LDHB: variants seen among roughly 807,000 people sequenced by gnomAD.
The protein encoded by LDHB is lactate dehydrogenase B.
Under a neutral mutation model 33.4 loss-of-function variants are expected in LDHB, and 18 were observed. The observed-to-expected ratio is 0.54, with a 90% CI of 0.37 to 0.80. The LOEUF (loss-of-function observed/expected upper bound fraction) is 0.80, where lower values mean the gene tolerates loss of function less well. LDHB is among the 30% of genes least tolerant of loss of function. LDHB has a pLI of 0.00. For missense variants in LDHB, 345 were observed against 407.9 expected, an observed-to-expected ratio of 0.85 and a Z score of 1.33; for synonymous variants, 121 against 140.6, an observed-to-expected ratio of 0.86 and a Z score of 0.98.
At chr12:21,653,732 T>C (rs1474449265) in intron 2 of LDHB, among the ~76,000 whole-genome samples, 1 of 152,178 alleles carries the variant, frequency 6.6e-6, no homozygotes, top group Admixed American at 6.5e-5. Context: ...AGGTGAATTA[T>C]TTATGAAAGT....
intron 5 of LDHB, among the ~76,000 whole-genome samples, chr12:21,640,609 T>C (rs1406223076): frequency 6.6e-6 from 1 of 152,046 alleles, no homozygotes; most frequent in Admixed American, 6.6e-5. Flanking sequence ...CTTCAGCAAA[T>C]ACAATGGATG....
chr12:21,641,374 A>T (rs1430635411), intron 5 of LDHB, among the ~76,000 whole-genome samples: 2 of 152,182 alleles, frequency 1.3e-5, no homozygotes, highest in African/African-American at 4.8e-5. Context: ...ATAAAGAAAC[A>T]ATCAGACAAG....
At position 21,642,218 on chromosome 12, in the gene LDHB, C is replaced by G. The variant is rs1482561197; in HGVS notation, c.422-93G>C. The G allele has an allele frequency of 6.2e-6, 5 of 807,202 alleles. No homozygotes were observed. In the African/African-American group the frequency reaches 6.8e-5, roughly 11 times the overall value. 50.0% of individuals were successfully genotyped at this position (807,202 alleles called of 1,614,324 possible). A position where few individuals can be genotyped will look rare whatever the true frequency, so the allele number is the denominator to read the frequency against. On this transcript the variant is annotated intron_variant, in intron 4 of 7. Coordinates refer to ENST00000350669, the MANE Select transcript of LDHB (RefSeq NM_002300.8). Reference sequence around the variant, plus strand: ...TGCCCTGGCTTCCCTTTTCCCACTTCCCCACTCCCCAAATGAGATGTGGCC... The same window carrying G: ...TGCCCTGGCTTCCCTTTTCCCACTTGCCCACTCCCCAAATGAGATGTGGCC...
At chr12:21,655,635 CT>C (rs1938822369) in intron 1 of LDHB, among the ~76,000 whole-genome samples, 1 of 152,176 alleles carries the variant, frequency 6.6e-6, no homozygotes, top group African/African-American at 2.4e-5. Flanking sequence ...TAGATAGACA[CT>C]TAATACATTG....
At chr12:21,645,171 G>A (rs1000259015) in intron 3 of LDHB, among the ~76,000 whole-genome samples, 2 of 152,142 alleles carry the variant, frequency 1.3e-5, no homozygotes, top group African/African-American at 2.4e-5. Context: ...AATGCTTGAA[G>A]GCACATGCTT....
At chr12:21,642,525 A>G (rs1263398552) in intron 4 of LDHB, among the ~76,000 whole-genome samples, 1 of 152,172 alleles carries the variant, frequency 6.6e-6, no homozygotes, top group Non-Finnish European at 1.5e-5. Context: ...ATAAACCAAG[A>G]AGCCTTTGAT....
chr12:21,656,249 C>T (rs1161064035), intron 1 of LDHB, among the ~76,000 whole-genome samples: 3 of 152,138 alleles, frequency 2.0e-5, no homozygotes. Context: ...ATATTTCCTC[C>T]CATCTGTAAG....
intron 1 of LDHB, among the ~76,000 whole-genome samples, chr12:21,654,931 G>C (rs746476704): frequency 2.6e-5 from 4 of 151,840 alleles, no homozygotes; most frequent in Admixed American, 2.0e-4. Context: ...GACCATCCTG[G>C]CCAACATGGT....
intron 4 of LDHB, among the ~76,000 whole-genome samples, 191 bp from the exon 5 acceptor site, chr12:21,642,316 T>C (rs914492276): frequency 6.6e-6 from 1 of 152,150 alleles, no homozygotes; most frequent in Non-Finnish European, 1.5e-5. Context: ...AAAACAAACT[T>C]TTAAGCCTTA....
intron 3 of LDHB, among the ~76,000 whole-genome samples, chr12:21,645,800 G>A (rs1938509363): frequency 2.0e-5 from 3 of 151,960 alleles, no homozygotes; most frequent in South Asian, 2.1e-4. Context: ...TGGGTCCTCC[G>A]TATGCTGAGT....
chr12:21,654,289 T>C (rs1029373429), intron 2 of LDHB: 46 of 491,678 alleles, frequency 9.4e-5, no homozygotes, highest in Non-Finnish European at 1.0e-4. Context: ...TAATAGTGTA[T>C]ACTGGATGAT....
intron 3 of LDHB, among the ~76,000 whole-genome samples, chr12:21,645,502 G>A (rs573092837): frequency 2.2e-4 from 33 of 152,250 alleles, no homozygotes; most frequent in Admixed American, 1.1e-3. Context: ...TGTAAAACCC[G>A]ATTGTATATT....
intron 1 of LDHB, chr12:21,657,478 T>A (rs756865071): frequency 3.3e-5 from 5 of 152,294 alleles, no homozygotes; most frequent in African/African-American, 1.2e-4. Flanking sequence ...CAAGGACAAG[T>A]AGGGCCTGGT....
chr12:21,637,070 C>T lies in LDHB; in HGVS notation c.837+1G>A. ...TTACATTTTGTGGTAGTTTGTCTTACCTTTACCATTGTTGACACGGGATGA... is the reference window on the plus strand; with the variant it reads ...TTACATTTTGTGGTAGTTTGTCTTATCTTTACCATTGTTGACACGGGATGA... On this transcript the variant is annotated splice_donor_variant, in intron 7 of 7. Coordinates refer to ENST00000350669, the MANE Select transcript of LDHB (RefSeq NM_002300.8). LOFTEE classifies it high-confidence loss of function. 1 of 1,602,898 alleles carries T rather than the reference C, an allele frequency of 6.2e-7. No homozygotes were observed. Among genetic ancestry groups the T allele is most frequent in the Non-Finnish European group, 8.5e-7 (1 of 1,171,676 alleles).
At chr12:21,642,178 T>G in intron 4 of LDHB, 53 bp from the exon 5 acceptor site, 1 of 1,372,548 alleles carries the variant, frequency 7.3e-7, no homozygotes, top group Non-Finnish European at 1.0e-6. Context: ...ACTTCAACTG[T>G]TAGGCAGCTT....
chr12:21,638,201 C>G (rs1938269533), intron 6 of LDHB, 152 bp downstream of exon 6: 2 of 611,472 alleles, frequency 3.3e-6, no homozygotes, highest in Non-Finnish European at 5.8e-6. Context: ...GCAAGTTTGA[C>G]CAGTGTAAAA....
At chr12:21,644,291 C>G (rs543130066) in intron 3 of LDHB, among the ~76,000 whole-genome samples, 183 bp from the exon 4 acceptor site, 8 of 151,868 alleles carry the variant, frequency 5.3e-5, no homozygotes, top group Admixed American at 5.2e-4. Context: ...CTCCCTTGAG[C>G]TACACTGCAA....
At chr12:21,636,595 TGA>T (rs1049221978) in intron 7 of LDHB, among the ~76,000 whole-genome samples, 6 of 152,088 alleles carry the variant, frequency 3.9e-5, no homozygotes, top group Non-Finnish European at 7.4e-5. Context: ...TTGTGGAAAA[TGA>T]GTCAGTTGTC....
chr12:21,638,207 T>C, intron 6 of LDHB, 146 bp downstream of exon 6: 1 of 634,886 alleles, frequency 1.6e-6, no homozygotes, highest in South Asian at 1.9e-5. Flanking sequence ...TTGACCAGTG[T>C]AAAAGTCTTA....
Sources: allele counts gnomAD v4.1 joint callset (sites outside exome capture counted in the v4.1 genomes callset), GRCh38; gene constraint gnomAD v4.1.1; transcripts MANE v1.5; gene names NCBI Gene and HGNC (gene_info 2026-07-23, HGNC 2026-07-21).